URB1: variants seen among roughly 807,000 people sequenced by gnomAD.
URB1 encodes the protein URB1 ribosome biogenesis factor.
A neutral mutation model predicts 242.3 loss-of-function variants in URB1; 197 were observed. The observed-to-expected ratio is 0.81, with a 90% CI of 0.72 to 0.91. The LOEUF (loss-of-function observed/expected upper bound fraction) is 0.91. Among genes scored for constraint, URB1 ranks in the 40% least tolerant of loss-of-function variants. URB1 has a pLI of 0.00. For synonymous variants in URB1, 1,153 were observed against 1,201.8 expected (o/e 0.96, Z 0.84); for missense variants, 2,721 against 2,860.5 (o/e 0.95, Z 1.11).
chr21:32,336,263 C>T (rs1269029098), intron 28 of URB1, among the ~76,000 whole-genome samples: 3 of 152,028 alleles, frequency 2.0e-5, no homozygotes, highest in Non-Finnish European at 2.9e-5. Context: ...AGCTTCTGGG[C>T]TGATACAGCT....
intron 5 of URB1, chr21:32,377,143 C>T (rs1002504129): frequency 1.9e-6 from 1 of 512,942 alleles, no homozygotes. Flanking sequence ...CATGGAATTG[C>T]AGGATCAAGT....
intron 2 of URB1, among the ~76,000 whole-genome samples, chr21:32,385,316 C>T (rs1160242813): frequency 6.6e-6 from 1 of 152,182 alleles, no homozygotes; most frequent in Admixed American, 6.5e-5. Context: ...ATCTATGATC[C>T]TTCCTTCTGA....
In URB1 at chr21:32,311,557, T is replaced by C. The variant is rs1681102419; in HGVS notation, c.*3361A>G. 1 of 1,373,366 alleles carries C rather than the reference T, an allele frequency of 7.3e-7. No individual in the cohort carries two copies. Among genetic ancestry groups the C allele is most frequent in the East Asian group, 2.3e-5 (1 of 43,162 alleles). 85.1% of individuals were successfully genotyped at this position (1,373,366 alleles called of 1,614,324 possible). The stretch of plus-strand genomic sequence containing the variant: ...GAGCTGGCTGACCCTTCTCAGGAAT[T>C]TGCCTGTGTGGCCTTCCCTATGGGG... On this transcript the variant is annotated 3_prime_UTR_variant, in exon 39 of 39. Coordinates refer to ENST00000382751, the MANE Select transcript of URB1 (RefSeq NM_014825.3).
At chr21:32,366,873 G>A (rs1409602252) in intron 9 of URB1, 118 bp from the exon 10 acceptor site, 12 of 1,116,066 alleles carry the variant, frequency 1.1e-5, no homozygotes, top group East Asian at 5.2e-5. Flanking sequence ...GTAAAGGTCC[G>A]AGACTCCCCA....
intron 26 of URB1, among the ~76,000 whole-genome samples, chr21:32,338,134 T>C (rs1568815322): frequency 6.6e-6 from 1 of 152,216 alleles, no homozygotes; most frequent in Non-Finnish European, 1.5e-5. Flanking sequence ...CTTCCGGGTG[T>C]GAATTTTATC....
At position 32,347,424 on chromosome 21, in the gene URB1, G is replaced by T. The variant is rs1282634834; in HGVS notation, c.3400C>A (p.His1134Asn). ...TLALLSLPETHLVTQQPTKSP... is the reference protein window; with the variant it reads ...TLALLSLPETNLVTQQPTKSP... ...TTCGTGGGTTGCTGGGTCACCAGGT[G>T]TGTCTCAGGCAGGCTCAGCAAGGCC... Residue 1134 changes from histidine to asparagine, a missense_variant, in exon 22 of 39, where the codon CAC becomes AAC. Coordinates refer to ENST00000382751, the MANE Select transcript of URB1 (RefSeq NM_014825.3). 1 of 1,551,548 alleles carries T rather than the reference G, an allele frequency of 6.4e-7. No individual in the cohort carries two copies. Among genetic ancestry groups the T allele is most frequent in the Non-Finnish European group, 8.7e-7 (1 of 1,146,936 alleles).
At chr21:32,354,751 G>C in intron 17 of URB1, 108 bp downstream of exon 17, 9 of 1,374,408 alleles carry the variant, frequency 6.5e-6, no homozygotes, top group Non-Finnish European at 7.8e-6. Flanking sequence ...AAGGGACTGT[G>C]TGCACTTGGC....
chr21:32,339,668 T>C (rs2033006216), intron 25 of URB1, among the ~76,000 whole-genome samples: 1 of 152,088 alleles, frequency 6.6e-6, no homozygotes, highest in Non-Finnish European at 1.5e-5. Context: ...TTTTTTCATA[T>C]TTTTAGTAGA....
chr21:32,365,670 G>A (rs2033338524), intron 10 of URB1, among the ~76,000 whole-genome samples: 1 of 152,074 alleles, frequency 6.6e-6, no homozygotes, highest in African/African-American at 2.4e-5. Flanking sequence ...TCCCACACAG[G>A]CCTCCTCTCT....
chr21:32,371,403 G>A (rs1289398852), intron 8 of URB1, among the ~76,000 whole-genome samples: 3 of 152,094 alleles, frequency 2.0e-5, no homozygotes, highest in Non-Finnish European at 4.4e-5. Flanking sequence ...GCTTTAAAAA[G>A]GGGGAACAAT....
Position 32,357,558 on chromosome 21 carries a change from C to T in URB1, c.1968G>A (p.Leu656=), listed in dbSNP as rs2033236563. The T allele has an allele frequency of 1.3e-6, 2 of 1,524,814 alleles. No homozygotes were observed. Among genetic ancestry groups the T allele is most frequent in the South Asian group, 1.3e-5 (1 of 77,620 alleles). 94.5% of individuals were successfully genotyped at this position (1,524,814 alleles called of 1,614,324 possible). A position where few individuals can be genotyped will look rare whatever the true frequency, so the allele number is the denominator to read the frequency against. ...VTSSHLQLKS[L]TKLLIMKILR... ...TCACCTTCATGATCAGAAGTTTGGT[C>T]AATGACTTCAGTTGTAAATGGCTAC... The change falls in exon 15 of 39, where the codon TTG becomes TTA. Residue 656 remains leucine (L), a synonymous_variant. Transcript: ENST00000382751.
intron 25 of URB1, among the ~76,000 whole-genome samples, 175 bp from the exon 26 acceptor site, chr21:32,339,075 GC>G (rs2032998180): frequency 6.6e-6 from 1 of 152,080 alleles, no homozygotes; most frequent in Admixed American, 6.6e-5. Flanking sequence ...GCTCACTGCA[GC>G]CTCTGCCTCC....
At chr21:32,356,704 G>T (rs562834319) in intron 15 of URB1, among the ~76,000 whole-genome samples, 1 of 152,296 alleles carries the variant, frequency 6.6e-6, no homozygotes, top group South Asian at 2.1e-4. Flanking sequence ...GTGACGAAAT[G>T]ATTTCCCTAA....
chr21:32,376,904 C>T (rs1370538943), intron 5 of URB1, among the ~76,000 whole-genome samples: 1 of 152,008 alleles, frequency 6.6e-6, no homozygotes, highest in Non-Finnish European at 1.5e-5. Context: ...TCAAGCAATC[C>T]TCCAGCCTCC....
rs879292364 is a variant in URB1 at position 32,363,826 on chromosome 21, CT to C, written c.1336-498del. ...ATAGGCACCTACTGCTTCTGGCTTT[CT>C]TTTTTTTTTTAAGAGATGAGACTTA... On this transcript the variant is annotated intron_variant, in intron 10 of 38. Transcript: ENST00000382751. 6.7e-4 allele frequency among the ~76,000 whole-genome samples: 99 copies of C among 147,612 alleles called. 1 individual carries two copies. Among genetic ancestry groups the C allele is most frequent in the East Asian group, 4.2e-3 (21 of 5,036 alleles).
At position 32,319,286 on chromosome 21, in the gene URB1, G is replaced by A; in HGVS notation, c.5723C>T (p.Ala1908Val). Reference sequence around the variant, plus strand: ...GACCAGGTGCAGGGCAAGCCGCTTGGCAGGCTCCTGGGAGCTAGGCTGGCA... The same window carrying A: ...GACCAGGTGCAGGGCAAGCCGCTTGACAGGCTCCTGGGAGCTAGGCTGGCA... The part of the protein sequence containing the change: ...RLCQPSSQEP[A>V]KRLALHLVNE... Residue 1908 changes from alanine (A) to valine (V), a missense_variant, in exon 36 of 39, where the codon GCC (alanine) becomes GTC (valine). Physicochemically the swap from Ala to Val is moderately conservative, Grantham distance 64 (BLOSUM62 0). Transcript: ENST00000382751. The A allele has an allele frequency of 1.3e-6, 2 of 1,551,188 alleles. No homozygotes were observed. Among genetic ancestry groups the A allele is most frequent in the Non-Finnish European group, 1.7e-6 (2 of 1,146,740 alleles).
intron 8 of URB1, among the ~76,000 whole-genome samples, chr21:32,371,745 A>C (rs1247266712): frequency 1.3e-5 from 2 of 152,198 alleles, no homozygotes; most frequent in Non-Finnish European, 2.9e-5. Flanking sequence ...ATGACAAGAA[A>C]ACATGGCCAA....
intron 30 of URB1, chr21:32,333,102 A>AT (rs58683625): frequency 0.013 from 5,865 of 462,294 alleles, no homozygotes; most frequent in Middle Eastern, 0.016. Flanking sequence ...TAAAATTACA[A>AT]TTTTTTTTTT....
intron 1 of URB1, among the ~76,000 whole-genome samples, chr21:32,386,681 A>G (rs551108879): frequency 6.6e-6 from 1 of 152,332 alleles, no homozygotes; most frequent in Non-Finnish European, 1.5e-5. Context: ...GGGTATAACA[A>G]GAAAAACCAT....
Sources: allele counts gnomAD v4.1 joint callset (sites outside exome capture counted in the v4.1 genomes callset), GRCh38; gene constraint gnomAD v4.1.1; transcripts MANE v1.5; gene names NCBI Gene and HGNC (gene_info 2026-07-23, HGNC 2026-07-21).